Variants in RNF32 observed in about 807,000 individuals in gnomAD.
The protein encoded by RNF32 is ring finger protein 32.
Under a neutral mutation model 41.0 loss-of-function variants are expected in RNF32, and 36 were observed. That is an observed-to-expected ratio of 0.88 (90% CI 0.67 to 1.16). RNF32 has a LOEUF of 1.16. Among genes scored for constraint, RNF32 ranks in the 50% most tolerant of loss-of-function variants. RNF32 has a pLI of 0.00. For synonymous variants in RNF32, 154 were observed against 160.9 expected (o/e 0.96, Z 0.32); for missense variants, 413 against 436.7 (o/e 0.95, Z 0.48).
chr7:156,645,844 A>G (rs558475726), intron 3 of RNF32, among the ~76,000 whole-genome samples: 190 of 152,372 alleles, frequency 1.2e-3, no homozygotes, highest in African/African-American at 4.4e-3. Context: ...AAATCAATAA[A>G]AATAGCATAA....
chr7:156,654,580 G>T lies in RNF32; in HGVS notation c.279G>T (p.Gln93His). Residue 93 changes from glutamine to histidine, a missense_variant, in exon 4 of 9, where the codon CAG becomes CAT. Transcript: ENST00000317955. Reference protein sequence around the residue: ...DPKPPPLTLAQKLGLIGPPPP... With the variant: ...DPKPPPLTLAHKLGLIGPPPP... ...TCCTGTGCTGTCTTACTTTAGCACAGAAGTTGGGCCTCATTGGGCCTCCAC... is the reference window on the plus strand; with the variant it reads ...TCCTGTGCTGTCTTACTTTAGCACATAAGTTGGGCCTCATTGGGCCTCCAC... 6.2e-7 allele frequency: 1 copy of T among 1,613,850 alleles called. No individual in the cohort carries two copies. Among genetic ancestry groups the T allele is most frequent in the Non-Finnish European group, 8.5e-7 (1 of 1,179,764 alleles).
chr7:156,640,752 A>G (rs1797170316), upstream of RNF32: 2 of 271,758 alleles, frequency 7.4e-6, no homozygotes, highest in South Asian at 2.9e-5. Flanking sequence ...GCGGCCAGGG[A>G]GTTGCCTGAG....
In RNF32 at chr7:156,658,109, GTGAAA is replaced by G; in HGVS notation, c.451-16_451-12del. ...TAAGTAATTACTTGTAAAATTTTAAGTGAAATGTTTTTCTTCAGGCATGTCTTCAG... is the reference window on the plus strand; with the variant it reads ...TAAGTAATTACTTGTAAAATTTTAAGTGTTTTTCTTCAGGCATGTCTTCAG... On this transcript the variant is annotated splice_polypyrimidine_tract_variant and intron_variant, in intron 5 of 8. Transcript: ENST00000317955. 1 of 1,607,228 alleles carries G rather than the reference GTGAAA, an allele frequency of 6.2e-7. No homozygotes were observed. The highest frequency in any genetic ancestry group is 8.5e-7 in the Non-Finnish European group (1 of 1,177,124).
chr7:156,643,732 C>A, intron 1 of RNF32, 69 bp from the exon 2 acceptor site: 1 of 742,264 alleles, frequency 1.3e-6, no homozygotes, highest in Non-Finnish European at 2.4e-6. Flanking sequence ...TCTTACAGAG[C>A]ATCCTCACAA....
intron 1 of RNF32, among the ~76,000 whole-genome samples, chr7:156,643,594 A>C (rs1412307180): frequency 6.6e-6 from 1 of 152,204 alleles, no homozygotes; most frequent in African/African-American, 2.4e-5. Context: ...CTCAGGGGTG[A>C]ACTATTTGAG....
intron 7 of RNF32, among the ~76,000 whole-genome samples, chr7:156,667,508 T>A (rs1801522558): frequency 6.6e-6 from 1 of 152,222 alleles, no homozygotes; most frequent in Non-Finnish European, 1.5e-5. Flanking sequence ...TGTTTAGGTA[T>A]TTTGTCTGTT....
chr7:156,670,663 TTCCCAG>T lies in RNF32; in HGVS notation c.685-5031_685-5026del. Among the ~76,000 whole-genome samples the T allele has an allele frequency of 6.6e-6, 1 of 152,160 alleles. No individual in the cohort carries two copies. The highest frequency in any genetic ancestry group is 1.9e-4 in the East Asian group (1 of 5,194). ...ATGGCAAACCCTGGGACCTGCAGAT[TTCCCAG>T]TGGGAGCGGCAGAAGGTGAGATGGC... is the stretch of plus-strand genomic sequence containing the variant. On this transcript the variant is annotated intron_variant, in intron 7 of 8. Coordinates refer to ENST00000317955, the MANE Select transcript of RNF32 (RefSeq NM_030936.4). This position sits in a 1 kb window ranked among gnomAD's most constrained non-coding sequence, Gnocchi z 4.3.
intron 3 of RNF32, chr7:156,646,595 C>A: frequency 1.0e-6 from 1 of 962,162 alleles, no homozygotes; most frequent in Non-Finnish European, 1.4e-6. Flanking sequence ...CAATTCAACC[C>A]AGTACATCAA....
intron 3 of RNF32, among the ~76,000 whole-genome samples, chr7:156,646,755 T>C (rs2079136425): frequency 6.6e-6 from 1 of 152,216 alleles, no homozygotes; most frequent in South Asian, 2.1e-4. Context: ...TCACATATAT[T>C]ACTATGTTGA....
chr7:156,648,029 G>GTTTTT (rs11450384), intron 3 of RNF32, among the ~76,000 whole-genome samples: 1 of 142,900 alleles, frequency 7.0e-6, no homozygotes, highest in Non-Finnish European at 1.5e-5. Flanking sequence ...GGGATTATTT[G>GTTTTT]TTTTTTTTTT....
chr7:156,673,077 T>TA, intron 7 of RNF32, among the ~76,000 whole-genome samples: 1 of 152,350 alleles, frequency 6.6e-6, no homozygotes, highest in East Asian at 1.9e-4. Context: ...ACCTTGAGAA[T>TA]AAACACCCAG....
At chr7:156,650,790 G>GC (rs1585018452) in intron 3 of RNF32, among the ~76,000 whole-genome samples, 1 of 152,180 alleles carries the variant, frequency 6.6e-6, no homozygotes, top group African/African-American at 2.4e-5. Flanking sequence ...CTGAGGCAGC[G>GC]CCCCTCCTCC....
chr7:156,640,509 G>A, upstream of RNF32: 1 of 357,184 alleles, frequency 2.8e-6, no homozygotes, highest in Non-Finnish European at 5.4e-6. Flanking sequence ...AAAAACGCCC[G>A]CTGCGCGAGC....
intron 7 of RNF32, among the ~76,000 whole-genome samples, chr7:156,662,973 AAGT>A (rs1261149437): frequency 6.6e-6 from 1 of 150,952 alleles, no homozygotes; most frequent in African/African-American, 2.4e-5. Flanking sequence ...TCAGCCTCCC[AAGT>A]AGCTGGGACT....
chr7:156,666,316 G>A (rs1000930201), intron 7 of RNF32, among the ~76,000 whole-genome samples: 1 of 152,212 alleles, frequency 6.6e-6, no homozygotes, highest in Non-Finnish European at 1.5e-5. Flanking sequence ...GGGAGAGTTA[G>A]TGAAGTCTTT....
At chr7:156,673,370 GTA>G (rs1243349430) in intron 7 of RNF32, among the ~76,000 whole-genome samples, 11 of 152,276 alleles carry the variant, frequency 7.2e-5, no homozygotes, top group Admixed American at 2.0e-4. Context: ...CTTTTACAAT[GTA>G]TAGAGAACTC....
At chr7:156,652,251 T>C (rs561753010) in intron 3 of RNF32, among the ~76,000 whole-genome samples, 1 of 152,304 alleles carries the variant, frequency 6.6e-6, no homozygotes, top group Non-Finnish European at 1.5e-5. Flanking sequence ...GATCCTTTTT[T>C]GAGGCCTGTT....
At chr7:156,653,757 G>A (rs1287777777) in intron 3 of RNF32, among the ~76,000 whole-genome samples, 1 of 152,214 alleles carries the variant, frequency 6.6e-6, no homozygotes, top group Non-Finnish European at 1.5e-5. Context: ...AGCACATGGT[G>A]GGTACCCACG....
At chr7:156,651,458 C>T (rs570557714) in intron 3 of RNF32, among the ~76,000 whole-genome samples, 28 of 152,256 alleles carry the variant, frequency 1.8e-4, no homozygotes, top group African/African-American at 6.7e-4. Flanking sequence ...AGGTGATCCA[C>T]CCACCTCGGC....
Sources: gnomAD v4.1 joint callset for allele counts (sites outside exome capture counted in the v4.1 genomes callset) on GRCh38, gnomAD v4.1.1 for gene constraint, Gnocchi (gnomAD v3.1) non-coding constraint, MANE v1.5 for transcripts, NCBI Gene and HGNC (gene_info 2026-07-23, HGNC 2026-07-21) for gene names.